The following TRMT9B variants were observed in gnomAD, a reference collection of about 807,000 sequenced individuals.
TRMT9B encodes the protein tRNA methyltransferase 9B (putative).
Under a neutral mutation model 11.5 loss-of-function variants are expected in TRMT9B, and 16 were observed. The ratio of observed to expected loss-of-function variants is 1.39; its 90% CI spans 0.94 to 2.11. The LOEUF is 2.11. TRMT9B is among the 30% of genes most tolerant of loss of function. The pLI, the probability that TRMT9B is intolerant of heterozygous loss-of-function variation, is 0.00. For missense variants in TRMT9B, 941 were observed against 553.8 expected (o/e 1.70, Z -7.02); for synonymous variants, 274 against 192.4 (o/e 1.42, Z -3.51).
At chr8:12,954,620 G>C (rs1801064385) in intron 1 of TRMT9B, among the ~76,000 whole-genome samples, 1 of 152,196 alleles carries the variant, frequency 6.6e-6, no homozygotes, top group South Asian at 2.1e-4. Context: ...GAATTCTTCT[G>C]AAAAGAATGG....
At position 13,025,117 on chromosome 8, in the gene TRMT9B, C is replaced by A. The variant is rs1269258594; in HGVS notation, c.*3073C>A. ...ACTTACTTCCTTATTAATACTAGAT[C>A]ACACAGTGTCTTTCTTATTCCTTCT... On this transcript the variant is annotated 3_prime_UTR_variant, in exon 5 of 5. Transcript: ENST00000524591. 1 of 166,932 alleles carries A rather than the reference C, an allele frequency of 6.0e-6. No individual in the cohort carries two copies. Among genetic ancestry groups the A allele is most frequent in the Non-Finnish European group, 1.5e-5 (1 of 68,104 alleles). The allele number at this position is 166,932 out of a possible 1,614,324, so 10.3% of individuals were successfully genotyped here.
chr8:13,016,293 T>C (rs1812688614), intron 4 of TRMT9B, among the ~76,000 whole-genome samples: 1 of 110,048 alleles, frequency 9.1e-6, no homozygotes, highest in African/African-American at 3.3e-5. Context: ...ATTTGTGTGT[T>C]TATATAACTA....
intron 2 of TRMT9B, among the ~76,000 whole-genome samples, chr8:13,005,484 A>G (rs1215584190): frequency 6.6e-6 from 1 of 152,190 alleles, no homozygotes; most frequent in Non-Finnish European, 1.5e-5. Context: ...TGAACACCCC[A>G]TTCTCCCTCA....
Position 13,025,809 on chromosome 8 carries a change from T to C in TRMT9B, c.*3765T>C, listed in dbSNP as rs1459393694. 6.0e-6 allele frequency: 1 copy of C among 166,990 alleles called. No homozygotes were observed. The highest frequency in any genetic ancestry group is 2.4e-5 in the African/African-American group (1 of 41,472). The allele number at this position is 166,990 out of a possible 1,614,324, so 10.3% of individuals were successfully genotyped here. On this transcript the variant is annotated 3_prime_UTR_variant, in exon 5 of 5. Transcript: ENST00000524591. Reference sequence around the variant, plus strand: ...AGATCTCCGTGCAGAATAGTGCTAATTCTTATTTCTCGTTTGCCTTTCTAT... The same window carrying C: ...AGATCTCCGTGCAGAATAGTGCTAACTCTTATTTCTCGTTTGCCTTTCTAT...
At chr8:12,988,862 T>A (rs567169094) in intron 1 of TRMT9B, among the ~76,000 whole-genome samples, 17 of 152,200 alleles carry the variant, frequency 1.1e-4, no homozygotes, top group Non-Finnish European at 1.9e-4. Flanking sequence ...AAGGCATGAG[T>A]TTGGGGAATC....
chr8:13,022,464 A>T lies in TRMT9B; in HGVS notation c.*420A>T, dbSNP rs1257059858. 5.8e-6 allele frequency: 1 copy of T among 172,554 alleles called. No homozygotes were observed. The highest frequency in any genetic ancestry group is 2.4e-5 in the African/African-American group (1 of 41,560). The allele number at this position is 172,554 out of a possible 1,614,324, so 10.7% of individuals were successfully genotyped here. ...TTCTGGTTCTCAGGTTATAACTGAG[A>T]GCAGTGTGCAAGATAATAGGTAAAT... On this transcript the variant is annotated 3_prime_UTR_variant, in exon 5 of 5. Coordinates refer to ENST00000524591, the MANE Select transcript of TRMT9B (RefSeq NM_020844.3).
Position 12,991,029 on chromosome 8 carries a change from C to G in TRMT9B, c.-4C>G, listed in dbSNP as rs933066758. The G allele has an allele frequency of 1.6e-6, 2 of 1,251,428 alleles. No individual in the cohort carries two copies. The highest frequency in any genetic ancestry group is 2.1e-6 in the Non-Finnish European group (2 of 968,502). The allele number at this position is 1,251,428 out of a possible 1,614,324, so 77.5% of individuals were successfully genotyped here. The stretch of plus-strand genomic sequence containing the variant: ...ATTTTCCTGTAATCACAGGATGACT[C>G]AGGTTAGTAGCTTTCAGCGCTTCTG... On this transcript the variant is annotated splice_region_variant and 5_prime_UTR_variant, in exon 2 of 5. Coordinates refer to ENST00000524591, the MANE Select transcript of TRMT9B (RefSeq NM_020844.3).
chr8:12,988,109 T>C (rs1323667476), intron 1 of TRMT9B, among the ~76,000 whole-genome samples: 1 of 152,194 alleles, frequency 6.6e-6, no homozygotes, highest in African/African-American at 2.4e-5. Context: ...TCTTTTTGCA[T>C]ATGCTGTTTC....
At chr8:12,988,584 C>T (rs568277461) in intron 1 of TRMT9B, among the ~76,000 whole-genome samples, 6 of 152,024 alleles carry the variant, frequency 3.9e-5, no homozygotes, top group Non-Finnish European at 8.8e-5. Flanking sequence ...ATGGCGGCAG[C>T]AAGGAGAAGT....
rs1354811952 is a variant in TRMT9B, at chr8:13,026,077, G to A, written c.*4033G>A. On this transcript the variant is annotated 3_prime_UTR_variant, in exon 5 of 5. Coordinates refer to ENST00000524591, the MANE Select transcript of TRMT9B (RefSeq NM_020844.3). ...AACTCAGTACTTGAACTTGGTGGGG[G>A]AGGGCACAGGTTAAATATGAGCTGT... 1.8e-5 allele frequency: 3 copies of A among 167,196 alleles called. No homozygotes were observed. In the East Asian group the frequency reaches 5.8e-4, roughly 32 times the overall value. The allele number at this position is 167,196 out of a possible 1,614,324, so 10.4% of individuals were successfully genotyped here.
At chr8:13,018,930 C>T (rs1813310454) in intron 4 of TRMT9B, among the ~76,000 whole-genome samples, 1 of 152,088 alleles carries the variant, frequency 6.6e-6, no homozygotes, top group South Asian at 2.1e-4. Context: ...GAAAATGTGG[C>T]ACAAAATAGA....
At chr8:13,020,704 G>A (rs1487704328) in intron 4 of TRMT9B, among the ~76,000 whole-genome samples, 1 of 152,190 alleles carries the variant, frequency 6.6e-6, no homozygotes, top group South Asian at 2.1e-4. Flanking sequence ...AACTGGAAGA[G>A]ACTTTATGGA....
chr8:12,953,370 G>A (rs1288785268), intron 1 of TRMT9B, among the ~76,000 whole-genome samples: 1 of 152,094 alleles, frequency 6.6e-6, no homozygotes, highest in Non-Finnish European at 1.5e-5. Context: ...TTATGTTTGA[G>A]ATGGAGCCTC....
At chr8:13,010,136 TGAA>T (rs1811320499) in intron 3 of TRMT9B, 210 of 415,094 alleles carry the variant, frequency 5.1e-4, no homozygotes, top group Non-Finnish European at 6.0e-4. Flanking sequence ...AGACCCTATC[TGAA>T]AAAAAAAAAA....
intron 2 of TRMT9B, among the ~76,000 whole-genome samples, chr8:13,005,617 T>C (rs1810314277): frequency 6.6e-6 from 1 of 152,220 alleles, no homozygotes; most frequent in African/African-American, 2.4e-5. Flanking sequence ...ACCAGTCCTA[T>C]ATTTTACAAA....
At position 13,022,069 on chromosome 8, in the gene TRMT9B, C is replaced by A; in HGVS notation, c.*25C>A. On this transcript the variant is annotated 3_prime_UTR_variant, in exon 5 of 5. Coordinates refer to ENST00000524591, the MANE Select transcript of TRMT9B (RefSeq NM_020844.3). ...ATTGGATCCTTTTAGACAACTCCTC[C>A]AAAAGATGAACCACATTCTTTCCTC... The A allele has an allele frequency of 6.8e-7, 1 of 1,471,502 alleles. No individual in the cohort carries two copies. The highest frequency in any genetic ancestry group is 9.2e-7 in the Non-Finnish European group (1 of 1,092,476). The allele number at this position is 1,471,502 out of a possible 1,614,324, so 91.2% of individuals were successfully genotyped here.
chr8:12,954,262 T>C (rs141099771), intron 1 of TRMT9B, among the ~76,000 whole-genome samples: 1 of 152,356 alleles, frequency 6.6e-6, no homozygotes, highest in African/African-American at 2.4e-5. Context: ...ATAGTATTTC[T>C]GATACGCGGA....
intron 3 of TRMT9B, chr8:13,011,552 T>C: frequency 1.1e-6 from 1 of 944,414 alleles, no homozygotes; most frequent in Non-Finnish European, 1.3e-6. Context: ...AATTAGATTA[T>C]ATATCTGTGA....
intron 2 of TRMT9B, among the ~76,000 whole-genome samples, chr8:13,002,260 T>A (rs1210260975): frequency 6.6e-6 from 1 of 152,208 alleles, no homozygotes; most frequent in Non-Finnish European, 1.5e-5. Flanking sequence ...TTATGTCGGT[T>A]ACCACTTAAC....
Sources: allele counts gnomAD v4.1 joint callset (sites outside exome capture counted in the v4.1 genomes callset), GRCh38; gene constraint gnomAD v4.1.1; transcripts MANE v1.5; gene names NCBI Gene and HGNC (gene_info 2026-07-23, HGNC 2026-07-21).